Variants in REDIC1 observed in about 807,000 individuals in gnomAD.
REDIC1 encodes regulator of DNA class I crossover intermediates 1, also known as HEI10 Interacting Protein 1.
the REDIC1 span, among the ~76,000 whole-genome samples, chr12:39,747,501 T>C: frequency 2.0e-5 from 3 of 152,352 alleles, no homozygotes; most frequent in South Asian, 4.1e-4. Context: ...GAAAACACTC[T>C]GCAGGATATT....
At chr12:39,686,370 C>A in the REDIC1 span, among the ~76,000 whole-genome samples, 2 of 152,174 alleles carry the variant, frequency 1.3e-5, no homozygotes, top group Admixed American at 1.3e-4. Flanking sequence ...CTCTGTGCAC[C>A]CACAGGCTTA....
At chr12:39,768,862 GCT>G in the REDIC1 span, among the ~76,000 whole-genome samples, 1 of 152,058 alleles carries the variant, frequency 6.6e-6, no homozygotes, top group Non-Finnish European at 1.5e-5. Context: ...TTGATGCAGG[GCT>G]GCCAGAAACC....
chr12:39,712,071 TACCGGTATGTATA>T, the REDIC1 span, among the ~76,000 whole-genome samples: 2 of 137,080 alleles, frequency 1.5e-5, no homozygotes, highest in African/African-American at 5.4e-5. Flanking sequence ...CATGTATATA[TACCGGTATGTATA>T]TATACATACA....
chr12:39,813,882 C>T, the REDIC1 span, among the ~76,000 whole-genome samples: 36 of 152,306 alleles, frequency 2.4e-4, no homozygotes, highest in East Asian at 9.6e-4. Context: ...TTCCATTTTA[C>T]GCTGAAGAAT....
At chr12:39,751,352 A>G in the REDIC1 span, among the ~76,000 whole-genome samples, 1 of 152,262 alleles carries the variant, frequency 6.6e-6, no homozygotes, top group African/African-American at 2.4e-5. Flanking sequence ...ACAATGAGAT[A>G]CCATCTCACA....
the REDIC1 span, among the ~76,000 whole-genome samples, chr12:39,887,509 AT>A: frequency 6.6e-6 from 1 of 152,198 alleles, no homozygotes; most frequent in Admixed American, 6.6e-5. Context: ...AAAAAAGGGG[AT>A]AAAAAAGGGA....
the REDIC1 span, among the ~76,000 whole-genome samples, chr12:39,688,613 AAAC>A: frequency 6.6e-6 from 1 of 152,212 alleles, no homozygotes; most frequent in East Asian, 1.9e-4. Flanking sequence ...GAGATCCACT[AAAC>A]AAATTTTAGC....
At chr12:39,769,823 CT>C in the REDIC1 span, among the ~76,000 whole-genome samples, 1 of 152,034 alleles carries the variant, frequency 6.6e-6, no homozygotes, top group South Asian at 2.1e-4. Flanking sequence ...CGAGCTCTAC[CT>C]GACTACACAA....
At chr12:39,631,547 A>G in the REDIC1 span, among the ~76,000 whole-genome samples, 1 of 152,164 alleles carries the variant, frequency 6.6e-6, no homozygotes, top group African/African-American at 2.4e-5. Context: ...AAAAGAATCA[A>G]ATATTGCTGC....
At chr12:39,840,627 T>G in the REDIC1 span, among the ~76,000 whole-genome samples, 1 of 152,014 alleles carries the variant, frequency 6.6e-6, no homozygotes, top group Non-Finnish European at 1.5e-5. Context: ...TATACTTCCT[T>G]TGCTTCAAGA....
chr12:39,880,181 T>C, the REDIC1 span, among the ~76,000 whole-genome samples: 2 of 152,174 alleles, frequency 1.3e-5, no homozygotes, highest in Admixed American at 6.5e-5. Flanking sequence ...CCTGTAAAGT[T>C]TGTAGAACCA....
At chr12:39,769,990 G>A in the REDIC1 span, among the ~76,000 whole-genome samples, 3 of 152,006 alleles carry the variant, frequency 2.0e-5, no homozygotes, top group East Asian at 5.8e-4. Flanking sequence ...TGATTACTCT[G>A]TGGTGCTTGA....
the REDIC1 span, among the ~76,000 whole-genome samples, chr12:39,736,422 G>T: frequency 6.6e-6 from 1 of 152,186 alleles, no homozygotes; most frequent in Non-Finnish European, 1.5e-5. Flanking sequence ...AGCTGTATTT[G>T]ATAAATAGCA....
At chr12:39,759,745 G>A in the REDIC1 span, 1 of 351,336 alleles carries the variant, frequency 2.8e-6, no homozygotes. Flanking sequence ...AAGTCACTGG[G>A]TACAATATTC....
the REDIC1 span, among the ~76,000 whole-genome samples, chr12:39,811,623 A>AT: frequency 1.3e-5 from 2 of 151,848 alleles, no homozygotes; most frequent in Non-Finnish European, 2.9e-5. Flanking sequence ...TTTTGTGAAA[A>AT]TTTTTTTTAC....
At chr12:39,667,805 C>G in the REDIC1 span, among the ~76,000 whole-genome samples, 1 of 152,146 alleles carries the variant, frequency 6.6e-6, no homozygotes, top group Non-Finnish European at 1.5e-5. Flanking sequence ...GAATTGATTC[C>G]TTTACCATTA....
chr12:39,713,335 C>A, the REDIC1 span, among the ~76,000 whole-genome samples: 1 of 139,682 alleles, frequency 7.2e-6, no homozygotes, highest in Non-Finnish European at 1.5e-5. Context: ...TACACATATA[C>A]GTGTATATAT....
chr12:39,783,216 C>T, the REDIC1 span, among the ~76,000 whole-genome samples: 1 of 152,182 alleles, frequency 6.6e-6, no homozygotes, highest in African/African-American at 2.4e-5. Context: ...TTTTTTATAG[C>T]TGCATAGTAT....
chr12:39,819,860 C>G, the REDIC1 span: 1 of 156,204 alleles, frequency 6.4e-6, no homozygotes, highest in Admixed American at 6.3e-5. Context: ...AACTATAAAG[C>G]ACACTTGGGT....
Sources: gnomAD v4.1 joint callset for allele counts (sites outside exome capture counted in the v4.1 genomes callset) on GRCh38, gnomAD v4.1.1 for gene constraint, MANE v1.5 for transcripts, NCBI Gene and HGNC (gene_info 2026-07-23, HGNC 2026-07-21) for gene names.